Variants in MAP2K4 observed in about 807,000 individuals in gnomAD.
The protein encoded by MAP2K4 is mitogen-activated protein kinase kinase 4.
A neutral mutation model predicts 48.5 loss-of-function variants in MAP2K4; 4 were observed. That is an observed-to-expected ratio of 0.08 (90% CI 0.04 to 0.19). The LOEUF (loss-of-function observed/expected upper bound fraction) is 0.19. Among genes scored for constraint, MAP2K4 ranks in the 10% least tolerant of loss-of-function variants. The pLI is 1.00. For synonymous variants in MAP2K4, 166 were observed against 173.1 expected, an observed-to-expected ratio of 0.96 and a Z score of 0.32; for missense variants, 258 against 493.3, an observed-to-expected ratio of 0.52 and a Z score of 4.52.
At position 12,054,867 on chromosome 17, in the gene MAP2K4, CTTT is replaced by C; in HGVS notation, c.116-19_116-17del. 1.3e-6 allele frequency: 2 copies of C among 1,540,008 alleles called. No individual in the cohort carries two copies. Among genetic ancestry groups the C allele is most frequent in the Non-Finnish European group, 1.8e-6 (2 of 1,115,302 alleles). On this transcript the variant is annotated intron_variant, in intron 1 of 10. Coordinates refer to ENST00000353533, the MANE Select transcript of MAP2K4 (RefSeq NM_003010.4). ...TGTTTTGTAGTACTTGAAACTTTTA[CTTT>C]TTATTTGTTATTTCTCAGGTAAACG...
chr17:12,113,023 T>A, intron 6 of MAP2K4: 1 of 384,712 alleles, frequency 2.6e-6, no homozygotes, highest in South Asian at 6.8e-5. Context: ...GCTGTTACAT[T>A]TACACAATTA....
At chr17:12,112,041 C>G (rs1972323673) in intron 6 of MAP2K4, among the ~76,000 whole-genome samples, 1 of 152,152 alleles carries the variant, frequency 6.6e-6, no homozygotes, top group African/African-American at 2.4e-5. Flanking sequence ...GTGCCTCATG[C>G]CCTTAAACCA....
intron 3 of MAP2K4, among the ~76,000 whole-genome samples, chr17:12,094,929 A>G (rs1050952046): frequency 6.6e-5 from 10 of 152,168 alleles, no homozygotes; most frequent in Non-Finnish European, 1.3e-4. Context: ...ATGCTGACTC[A>G]TGGGTTGGAG....
intron 7 of MAP2K4, 77 bp downstream of exon 7, chr17:12,113,437 T>C (rs2151577848): frequency 6.6e-7 from 1 of 1,521,078 alleles, no homozygotes; most frequent in Non-Finnish European, 8.9e-7. Context: ...TGGCCATTAG[T>C]CATACGGTTT....
At chr17:12,124,077 C>CA (rs11354934) in intron 7 of MAP2K4, among the ~76,000 whole-genome samples, 1,795 of 151,458 alleles carry the variant, frequency 0.012, 25 homozygotes, top group African/African-American at 0.039. Flanking sequence ...ATATTTACAA[C>CA]AAAAAAAAAC....
intron 8 of MAP2K4, among the ~76,000 whole-genome samples, chr17:12,127,169 C>T (rs964027626): frequency 3.9e-5 from 6 of 152,190 alleles, no homozygotes; most frequent in Non-Finnish European, 8.8e-5. Flanking sequence ...AACAGCTCAC[C>T]TCTGCAGAGG....
Position 12,042,346 on chromosome 17 carries a change from G to A in MAP2K4, c.116-12543G>A, listed in dbSNP as rs17541869. On this transcript the variant is annotated intron_variant, in intron 1 of 10. Coordinates refer to ENST00000353533, the MANE Select transcript of MAP2K4 (RefSeq NM_003010.4). ...AAACAGTTATTACAGGTAAAGTGGT[G>A]TGAATTGTTTGCTTTGAGGGTAAAG... Among the ~76,000 whole-genome samples, 753 of 152,242 alleles carry A rather than the reference G, an allele frequency of 4.9e-3. 2 individuals carry two copies. Among genetic ancestry groups the A allele is most frequent in the Non-Finnish European group, 9.1e-3 (618 of 68,016 alleles).
chr17:12,086,508 T>C (rs1971366320), intron 3 of MAP2K4, among the ~76,000 whole-genome samples: 1 of 152,126 alleles, frequency 6.6e-6, no homozygotes, highest in South Asian at 2.1e-4. Context: ...GTTTGTTCCA[T>C]TAACAGAATT....
intron 2 of MAP2K4, among the ~76,000 whole-genome samples, chr17:12,056,041 T>A (rs1293785270): frequency 6.6e-6 from 1 of 152,082 alleles, no homozygotes. Context: ...AACTTAGTAC[T>A]TATTAATTAG....
chr17:12,098,965 G>A (rs1049619846), intron 4 of MAP2K4, among the ~76,000 whole-genome samples: 4 of 151,914 alleles, frequency 2.6e-5, no homozygotes, highest in Admixed American at 1.3e-4. Flanking sequence ...TTGAGTAGTG[G>A]TACAGTTTGT....
At chr17:12,049,485 G>T (rs748444796) in intron 1 of MAP2K4, among the ~76,000 whole-genome samples, 9 of 152,156 alleles carry the variant, frequency 5.9e-5, no homozygotes, top group Non-Finnish European at 1.2e-4. Flanking sequence ...TAATTTTTAT[G>T]ATTCTTTTCA....
intron 2 of MAP2K4, among the ~76,000 whole-genome samples, chr17:12,055,898 T>C (rs1010313596): frequency 6.6e-6 from 1 of 152,082 alleles, no homozygotes; most frequent in Non-Finnish European, 1.5e-5. Flanking sequence ...GTAGTAACAA[T>C]TTATTTTTCT....
intron 4 of MAP2K4, among the ~76,000 whole-genome samples, chr17:12,107,345 A>AG (rs1487720335): frequency 1.4e-5 from 2 of 145,640 alleles, no homozygotes; most frequent in Non-Finnish European, 3.0e-5. Flanking sequence ...CGGGGTCTTG[A>AG]GGCATGGGAT....
intron 1 of MAP2K4, chr17:12,027,009 C>T (rs1393142015): frequency 1.3e-5 from 2 of 152,180 alleles, no homozygotes; most frequent in Admixed American, 6.5e-5. Context: ...AAAAGGAACT[C>T]ATTTGTCATA....
At chr17:12,056,154 C>T (rs1472760161) in intron 2 of MAP2K4, among the ~76,000 whole-genome samples, 1 of 152,012 alleles carries the variant, frequency 6.6e-6, no homozygotes, top group African/African-American at 2.4e-5. Flanking sequence ...TTAACATAGC[C>T]CCCTTCTGTT....
chr17:12,071,652 A>T (rs978433135), intron 2 of MAP2K4, among the ~76,000 whole-genome samples: 1 of 152,178 alleles, frequency 6.6e-6, no homozygotes, highest in Non-Finnish European at 1.5e-5. Flanking sequence ...AAAAACAAAA[A>T]TCACAGTTTT....
chr17:12,127,840 G>GTGC (rs1456289742), intron 8 of MAP2K4, among the ~76,000 whole-genome samples: 6 of 152,076 alleles, frequency 3.9e-5, no homozygotes, highest in African/African-American at 1.4e-4. Flanking sequence ...GCTTACTTTT[G>GTGC]TGCACACATG....
In MAP2K4 at chr17:12,095,498, A is replaced by G. The variant is rs781600808; in HGVS notation, c.394-77A>G. The G allele has an allele frequency of 7.8e-6, 12 of 1,535,196 alleles. No homozygotes were observed. The East Asian group carries it at 9.0e-5, about 12-fold the overall frequency. On this transcript the variant is annotated intron_variant, in intron 3 of 10. Coordinates refer to ENST00000353533, the MANE Select transcript of MAP2K4 (RefSeq NM_003010.4). ...TTTAGTCTCGTAACGGTTTTTCTCTACCATGAGACTAAAAATTATTGGTGT... is the reference window on the plus strand; with the variant it reads ...TTTAGTCTCGTAACGGTTTTTCTCTGCCATGAGACTAAAAATTATTGGTGT...
At chr17:12,087,746 T>G (rs1470471012) in intron 3 of MAP2K4, among the ~76,000 whole-genome samples, 1 of 152,166 alleles carries the variant, frequency 6.6e-6, no homozygotes, top group Admixed American at 6.5e-5. Flanking sequence ...AAATCATATA[T>G]GCTTTCACAA....
Sources: gnomAD v4.1 joint callset for allele counts (sites outside exome capture counted in the v4.1 genomes callset) on GRCh38, gnomAD v4.1.1 for gene constraint, MANE v1.5 for transcripts, NCBI Gene and HGNC (gene_info 2026-07-23, HGNC 2026-07-21) for gene names.